The following CACNA1S variants were observed in gnomAD, a reference collection of about 807,000 sequenced individuals.
CACNA1S encodes voltage-dependent L-type calcium channel subunit alpha-1S.
In CACNA1S, 126 loss-of-function variants were observed where a neutral mutation model predicts 207.4. That is an observed-to-expected ratio of 0.61 (90% confidence interval 0.53 to 0.70). The LOEUF is 0.70. Among genes scored for constraint, CACNA1S ranks in the 30% least tolerant of loss-of-function variants. The probability of loss-of-function intolerance (pLI) is 0.00; values close to 1 mark genes in which losing one functional copy is unlikely to be tolerated. For missense variants in CACNA1S, 2,349 were observed against 2,422.8 expected, an observed-to-expected ratio of 0.97 and a Z score of 0.64; for synonymous variants, 960 against 932.7, an observed-to-expected ratio of 1.03 and a Z score of -0.53.
intron 26 of CACNA1S, 26 bp downstream of exon 26, chr1:201,060,632 A>T (rs191265906): frequency 1.6e-5 from 26 of 1,613,298 alleles, no homozygotes; most frequent in East Asian, 2.2e-5. Context: ...GTCTGATCAG[A>T]CATTTTTCTC....
chr1:201,092,193 G>C, intron 3 of CACNA1S, 79 bp from the exon 4 acceptor site: 6 of 1,545,346 alleles, frequency 3.9e-6, no homozygotes, highest in Non-Finnish European at 5.4e-6. Context: ...CCTGTGTCCT[G>C]TCCATGCTTG....
At chr1:201,082,013 A>G (rs1233221446) in intron 10 of CACNA1S, among the ~76,000 whole-genome samples, 4 of 143,446 alleles carry the variant, frequency 2.8e-5, no homozygotes, top group Admixed American at 7.1e-5. Context: ...TTTATAAATT[A>G]CCCAGTCTCA....
At position 201,077,921 on chromosome 1, in the gene CACNA1S, A is replaced by C; in HGVS notation, c.1577T>G (p.Val526Gly). Residue 526 changes from valine (V) to glycine (G), a missense_variant, in exon 11 of 44, where the codon GTG becomes GGG. Coordinates refer to ENST00000362061, the MANE Select transcript of CACNA1S (RefSeq NM_000069.3). ...CCTCAGGAGGCGGATGCAGCGGAGC[A>C]CGGAGATGCCCAGGGGTGTCATGGC... Reference protein sequence around the residue: ...SGAMTPLGISVLRCIRLLRIF... With the variant: ...SGAMTPLGISGLRCIRLLRIF... The C allele has an allele frequency of 6.2e-7, 1 of 1,614,140 alleles. No individual in the cohort carries two copies. Among genetic ancestry groups the C allele is most frequent in the East Asian group, 2.2e-5 (1 of 44,884 alleles).
At position 201,089,368 on chromosome 1, in the gene CACNA1S, C is replaced by T. The variant is rs779029870; in HGVS notation, c.790G>A (p.Gly264Ser). 93 of 1,614,118 alleles carry T rather than the reference C, an allele frequency of 5.8e-5. No homozygotes were observed. The highest frequency in any genetic ancestry group is 8.3e-5 in the Admixed American group (5 of 60,016). The change falls in exon 6 of 44, where the codon GGC (glycine) becomes AGC (serine). Residue 264 changes from glycine to serine, a missense_variant. Transcript: ENST00000362061. ...CTINGSECRGGWPGPNHGITH... is the reference protein window; with the variant it reads ...CTINGSECRGSWPGPNHGITH... ...ATGCCATGGTTGGGCCCTGGCCAGC[C>T]GCCCCGGCACTCACTGCCATTGATG...
At chr1:201,091,582 C>G in intron 5 of CACNA1S, 58 bp downstream of exon 5, 1 of 1,600,426 alleles carries the variant, frequency 6.2e-7, no homozygotes, top group Non-Finnish European at 8.6e-7. Flanking sequence ...TAGGGTGGCT[C>G]CCCCTTCTGA....
At chr1:201,101,164 T>C (rs1258802490) in intron 2 of CACNA1S, among the ~76,000 whole-genome samples, 1 of 152,188 alleles carries the variant, frequency 6.6e-6, no homozygotes, top group Non-Finnish European at 1.5e-5. Flanking sequence ...TAGTGAGAAA[T>C]GGGCTATAAT....
Position 201,074,253 on chromosome 1 carries a change from G to A in CACNA1S, c.2063+253C>T, listed in dbSNP as rs115456118. On this transcript the variant is annotated intron_variant, in intron 14 of 43. Coordinates refer to ENST00000362061, the MANE Select transcript of CACNA1S (RefSeq NM_000069.3). The stretch of plus-strand genomic sequence containing the variant: ...CTCCGCAGGGGAGCCCTGCCCAACT[G>A]GCCAGGCTCTGAGGCTCTGGCATTC... Among the ~76,000 whole-genome samples, 858 of 152,324 alleles carry A rather than the reference G, an allele frequency of 5.6e-3. 12 individuals carry two copies. Among genetic ancestry groups the A allele is most frequent in the African/African-American group, 0.019 (803 of 41,580 alleles).
chr1:201,061,159 G>A (rs1661032598), intron 25 of CACNA1S, 108 bp downstream of exon 25: 3 of 958,116 alleles, frequency 3.1e-6, no homozygotes, highest in Non-Finnish European at 4.9e-6. Context: ...TCAAATGCAG[G>A]TTCTGGGGTC....
In CACNA1S at chr1:201,065,702, C is replaced by T. The variant is rs141145117; in HGVS notation, c.2853+136G>A. The T allele has an allele frequency of 2.2e-3, 1,533 of 699,256 alleles. 17 individuals are homozygous for T. Among genetic ancestry groups the T allele is most frequent in the African/African-American group, 5.2e-3 (294 of 56,208 alleles). 43.3% of individuals were successfully genotyped at this position (699,256 alleles called of 1,614,324 possible). A position where few individuals can be genotyped will look rare whatever the true frequency, so the allele number is the denominator to read the frequency against. ...TTTGGTGTGGTGAAGACCTATTTTT[C>T]AAAATAAAATATTCTCATATGGAAA... On this transcript the variant is annotated intron_variant, in intron 22 of 43. Transcript: ENST00000362061.
rs772789447 is a variant in CACNA1S at position 201,092,067 on chromosome 1, G to A, written c.446C>T (p.Thr149Ile). Residue 149 changes from threonine to isoleucine, a missense_variant, in exon 4 of 44, where the codon ACA becomes ATA. Physicochemically the swap from Thr to Ile is moderately conservative, Grantham distance 89 (BLOSUM62 -1). Coordinates refer to ENST00000362061, the MANE Select transcript of CACNA1S (RefSeq NM_000069.3). ...LEQVNVIQSHTAPMSSKGAGL... is the reference protein window; with the variant it reads ...LEQVNVIQSHIAPMSSKGAGL... Reference sequence around the variant, plus strand: ...GGCTCCTTTGCTGCTCATTGGGGCTGTGTGGCTTTGGATGACGTTAACCTG... The same window carrying A: ...GGCTCCTTTGCTGCTCATTGGGGCTATGTGGCTTTGGATGACGTTAACCTG... The A allele has an allele frequency of 1.9e-6, 3 of 1,614,032 alleles. No homozygotes were observed. Among genetic ancestry groups the A allele is most frequent in the Admixed American group, 1.7e-5 (1 of 60,006 alleles).
At chr1:201,057,744 T>C (rs1229963059) in intron 28 of CACNA1S, among the ~76,000 whole-genome samples, 1 of 152,192 alleles carries the variant, frequency 6.6e-6, no homozygotes, top group Non-Finnish European at 1.5e-5. Context: ...GGTGGATCAC[T>C]TGAGCCCAGG....
chr1:201,100,597 TACC>T (rs1662616236), intron 2 of CACNA1S, among the ~76,000 whole-genome samples: 1 of 151,988 alleles, frequency 6.6e-6, no homozygotes, highest in Admixed American at 6.6e-5. Flanking sequence ...GCACTTCCCT[TACC>T]AGGGAACCAA....
At chr1:201,103,946 C>A (rs1371412092) in intron 2 of CACNA1S, among the ~76,000 whole-genome samples, 2 of 152,358 alleles carry the variant, frequency 1.3e-5, no homozygotes, top group Admixed American at 6.5e-5. Flanking sequence ...CACCCTGCAG[C>A]CCAGGAGGGG....
intron 15 of CACNA1S, among the ~76,000 whole-genome samples, chr1:201,073,025 C>CGGGGCAA (rs906978326): frequency 2.4e-4 from 37 of 152,284 alleles, no homozygotes; most frequent in African/African-American, 8.4e-4. Context: ...AAAGCTCCCA[C>CGGGGCAA]GGGGCAAGGC....
intron 10 of CACNA1S, among the ~76,000 whole-genome samples, chr1:201,081,993 A>ACCTCTT (rs1661858169): frequency 6.8e-6 from 1 of 146,070 alleles, no homozygotes; most frequent in South Asian, 2.2e-4. Context: ...AGCCAACCAA[A>ACCTCTT]CCTCTTTTCT....
Position 201,049,081 on chromosome 1 carries a change from C to G in CACNA1S, c.4260G>C (p.Leu1420=). The G allele has an allele frequency of 6.2e-7, 1 of 1,612,914 alleles. No homozygotes were observed. Among genetic ancestry groups the G allele is most frequent in the Non-Finnish European group, 8.5e-7 (1 of 1,179,542 alleles). ...DPEAKGRIKH[L]DVVTLLRRIQ... ...TCCTTCTCAGCAGGGTCACCACGTC[C>G]AGGTGTTTGATTCTCCCCCTGCGGG... Residue 1420 remains leucine, a synonymous_variant, in exon 35 of 44, where the codon CTG becomes CTC. Coordinates refer to ENST00000362061, the MANE Select transcript of CACNA1S (RefSeq NM_000069.3).
rs76043049 is a variant in CACNA1S, at chr1:201,062,347, C to T, written c.2906+115G>A. The stretch of plus-strand genomic sequence containing the variant: ...CACAGTCCCCTGCCCTGTGATCGTC[C>T]TGCCACACTCCCTGCCCCGTGACCG... On this transcript the variant is annotated intron_variant, in intron 23 of 43. Coordinates refer to ENST00000362061, the MANE Select transcript of CACNA1S (RefSeq NM_000069.3). The T allele has an allele frequency of 5.0e-4, 568 of 1,132,678 alleles. 1 individual carries two copies. In the African/African-American group the frequency reaches 7.5e-3, roughly 15 times the overall value. The allele number at this position is 1,132,678 out of a possible 1,614,324, so 70.2% of individuals were successfully genotyped here. A position where few individuals can be genotyped will look rare whatever the true frequency, so the allele number is the denominator to read the frequency against.
At chr1:201,048,923 A>G in intron 35 of CACNA1S, 80 bp downstream of exon 35, 3 of 1,160,324 alleles carry the variant, frequency 2.6e-6, no homozygotes, top group Non-Finnish European at 3.8e-6. Context: ...GCTTCACTCC[A>G]TCAGGTCCTC....
At chr1:201,089,165 C>T (rs1017355400) in intron 6 of CACNA1S, 93 bp downstream of exon 6, 4 of 1,177,828 alleles carry the variant, frequency 3.4e-6, no homozygotes, top group Non-Finnish European at 2.5e-6. Context: ...CAGAGACTGG[C>T]CTCCTGTGTG....
Sources: gnomAD v4.1 joint callset for allele counts (sites outside exome capture counted in the v4.1 genomes callset) on GRCh38, gnomAD v4.1.1 for gene constraint, MANE v1.5 for transcripts, NCBI Gene and HGNC (gene_info 2026-07-23, HGNC 2026-07-21) for gene names.